The following STAMBPL1 variants were observed in gnomAD, a reference collection of about 807,000 sequenced individuals.
The protein encoded by STAMBPL1 is AMSH-like protease.
In STAMBPL1, 44 loss-of-function variants were observed where a neutral mutation model predicts 52.9. The ratio of observed to expected loss-of-function variants is 0.83; its 90% CI spans 0.65 to 1.07. STAMBPL1 has a LOEUF of 1.07. Ranked by LOEUF, STAMBPL1 falls within the 50% of genes least tolerant of loss-of-function variation. The pLI, the probability that STAMBPL1 is intolerant of heterozygous loss-of-function variation, is 0.00. For synonymous variants in STAMBPL1, 164 were observed against 177.3 expected (o/e 0.92, Z 0.60); for missense variants, 511 against 520.8 (o/e 0.98, Z 0.18).
chr10:88,883,661 T>A (rs1388736376), intron 1 of STAMBPL1, among the ~76,000 whole-genome samples: 1 of 152,234 alleles, frequency 6.6e-6, no homozygotes, highest in Non-Finnish European at 1.5e-5. Context: ...TCAAAACACA[T>A]ATTGTTTGAT....
At chr10:88,909,950 T>A (rs568766733) in intron 4 of STAMBPL1, among the ~76,000 whole-genome samples, 34 of 152,260 alleles carry the variant, frequency 2.2e-4, no homozygotes, top group South Asian at 1.5e-3. Context: ...TTTATTATCA[T>A]GTCTTTGTGT....
chr10:88,909,957 GT>G (rs1242043130), intron 4 of STAMBPL1, among the ~76,000 whole-genome samples: 2 of 151,960 alleles, frequency 1.3e-5, no homozygotes, highest in Non-Finnish European at 2.9e-5. Context: ...TCATGTCTTT[GT>G]GTAACATTTC....
At chr10:88,905,402 A>G in intron 2 of STAMBPL1, 41 bp from the exon 3 acceptor site, 2 of 1,491,422 alleles carry the variant, frequency 1.3e-6, no homozygotes, top group African/African-American at 1.4e-5. Flanking sequence ...TTTTCTTACT[A>G]TAATCAACAG....
rs755225078 is a variant in STAMBPL1 at position 88,913,254 on chromosome 10, G to A, written c.574G>A (p.Gly192Ser). The stretch of plus-strand genomic sequence containing the variant: ...ACTCAAGAAGCAAGAGTTAGCCCGA[G>A]GTCAAATGCGAAGTCAGCAAACCTC... ...DQLKKQELARGQMRSQQTSGL... is the reference protein window; with the variant it reads ...DQLKKQELARSQMRSQQTSGL... The change falls in exon 6 of 11, where the codon GGT (glycine) becomes AGT (serine). Residue 192 changes from glycine (G) to serine (S), a missense_variant. Gly to Ser is a moderately conservative substitution (Grantham distance 56). Coordinates refer to ENST00000371926, the MANE Select transcript of STAMBPL1 (RefSeq NM_020799.4). 1.2e-6 allele frequency: 2 copies of A among 1,613,896 alleles called. No homozygotes were observed. The highest frequency in any genetic ancestry group is 1.7e-6 in the Non-Finnish European group (2 of 1,179,870).
intron 1 of STAMBPL1, among the ~76,000 whole-genome samples, chr10:88,883,221 A>G (rs1396717525): frequency 6.6e-6 from 1 of 152,048 alleles, no homozygotes; most frequent in South Asian, 2.1e-4. Flanking sequence ...CTCTTCTGCT[A>G]TTTTTTAAAT....
intron 6 of STAMBPL1, 78 bp downstream of exon 6, chr10:88,913,536 C>A: frequency 7.9e-7 from 1 of 1,267,832 alleles, no homozygotes; most frequent in South Asian, 1.4e-5. Flanking sequence ...CTGGGAGGGT[C>A]CTTCTCATTT....
At chr10:88,908,251 G>A (rs1469868550) in intron 3 of STAMBPL1, among the ~76,000 whole-genome samples, 1 of 152,046 alleles carries the variant, frequency 6.6e-6, no homozygotes, top group Non-Finnish European at 1.5e-5. Flanking sequence ...TGAGTTTTCG[G>A]TTAAGAGTTT....
intron 3 of STAMBPL1, 48 bp downstream of exon 3, chr10:88,905,708 A>T: frequency 6.8e-7 from 1 of 1,476,226 alleles, no homozygotes; most frequent in Non-Finnish European, 9.3e-7. Context: ...AAAAATATTT[A>T]CATAGTTATT....
At chr10:88,890,009 T>C (rs556822128) in intron 1 of STAMBPL1, among the ~76,000 whole-genome samples, 1 of 152,316 alleles carries the variant, frequency 6.6e-6, no homozygotes, top group East Asian at 1.9e-4. Flanking sequence ...CATGAGTATG[T>C]AATCAAGAGA....
rs573691681 is a variant in STAMBPL1 at position 88,887,620 on chromosome 10, G to T, written c.-54+6982G>T. On this transcript the variant is annotated intron_variant, in intron 1 of 10. Transcript: ENST00000371926. Reference sequence around the variant, plus strand: ...CATAGCTCACTGCAGCCTTGACCTCGTGGGTTCAAGCGATTAGCCTTCTAA... The same window carrying T: ...CATAGCTCACTGCAGCCTTGACCTCTTGGGTTCAAGCGATTAGCCTTCTAA... Among the ~76,000 whole-genome samples the T allele has an allele frequency of 5.3e-5, 8 of 152,280 alleles. No individual in the cohort carries two copies. In the East Asian group the frequency reaches 1.3e-3, roughly 26 times the overall value.
intron 1 of STAMBPL1, among the ~76,000 whole-genome samples, chr10:88,899,547 T>G (rs1329364534): frequency 6.6e-6 from 1 of 152,234 alleles, no homozygotes; most frequent in African/African-American, 2.4e-5. Flanking sequence ...TCTCGCTCTG[T>G]CACCCAGGCT....
Position 88,880,345 on chromosome 10 carries a change from C to T in STAMBPL1, c.-347C>T, listed in dbSNP as rs1844368907. On this transcript the variant is annotated 5_prime_UTR_variant, in exon 1 of 11. Transcript: ENST00000371926. ...GTGGGCTTGCGAGGACGCTGTTCGT[C>T]CCCTGCGCTGGGGTGTCCGACAGCG... The T allele has an allele frequency of 1.3e-5, 2 of 152,382 alleles. No homozygotes were observed. Among genetic ancestry groups the T allele is most frequent in the South Asian group, 2.1e-4 (1 of 4,826 alleles). The allele number at this position is 152,382 out of a possible 1,614,324, so 9.4% of individuals were successfully genotyped here.
At chr10:88,908,595 G>A in intron 3 of STAMBPL1, 107 bp from the exon 4 acceptor site, 1 of 890,438 alleles carries the variant, frequency 1.1e-6, no homozygotes, top group Non-Finnish European at 1.7e-6. Context: ...AAATGAATAA[G>A]TTATTAAACA....
At chr10:88,897,426 T>G (rs1260844428) in intron 1 of STAMBPL1, among the ~76,000 whole-genome samples, 1 of 152,048 alleles carries the variant, frequency 6.6e-6, no homozygotes, top group Non-Finnish European at 1.5e-5. Flanking sequence ...CTTTGGAGGT[T>G]ATGGTCAGGA....
chr10:88,899,541 G>A (rs909150648), intron 1 of STAMBPL1, among the ~76,000 whole-genome samples: 9 of 152,000 alleles, frequency 5.9e-5, no homozygotes, highest in African/African-American at 1.9e-4. Context: ...CTGGAGTCTC[G>A]CTCTGTCACC....
At position 88,913,290 on chromosome 10, in the gene STAMBPL1, G is replaced by A. The variant is rs34270879; in HGVS notation, c.610G>A (p.Glu204Lys). 0.035 allele frequency: 56,685 copies of A among 1,613,922 alleles called. 1,164 individuals carry two copies. The highest frequency in any genetic ancestry group is 0.079 in the Middle Eastern group (478 of 6,058). ...MRSQQTSGLS[E>K]QIDGSALSCF... Reference sequence around the variant, plus strand: ...AAGTCAGCAAACCTCAGGGCTGTCAGAGCAGATTGATGGGAGCGCTTTGTC... The same window carrying A: ...AAGTCAGCAAACCTCAGGGCTGTCAAAGCAGATTGATGGGAGCGCTTTGTC... Residue 204 changes from glutamate (E) to lysine (K), a missense_variant, in exon 6 of 11, where the codon GAG (glutamate) becomes AAG (lysine). Transcript: ENST00000371926.
chr10:88,893,403 T>C (rs2133139158), intron 1 of STAMBPL1, among the ~76,000 whole-genome samples: 1 of 152,308 alleles, frequency 6.6e-6, no homozygotes, highest in East Asian at 1.9e-4. Flanking sequence ...TAACTACATA[T>C]ACCATGTAGT....
chr10:88,923,097 C>T (rs1845555051), intron 10 of STAMBPL1, 71 bp from the exon 11 acceptor site: 7 of 1,110,506 alleles, frequency 6.3e-6, no homozygotes, highest in Non-Finnish European at 9.2e-6. Context: ...TACTTCCTCC[C>T]TAAAGAAAAT....
chr10:88,901,814 TG>T (rs1432923885), intron 2 of STAMBPL1, 76 bp downstream of exon 2: 26 of 1,412,838 alleles, frequency 1.8e-5, no homozygotes, highest in Non-Finnish European at 2.5e-5. Flanking sequence ...AAATGTGAAA[TG>T]AGTCACAATT....
Sources: gnomAD v4.1 joint callset for allele counts (sites outside exome capture counted in the v4.1 genomes callset) on GRCh38, gnomAD v4.1.1 for gene constraint, MANE v1.5 for transcripts, NCBI Gene and HGNC (gene_info 2026-07-23, HGNC 2026-07-21) for gene names.